The following CSMD1 variants were observed in gnomAD, a reference collection of about 807,000 sequenced individuals.
CSMD1 encodes the protein CUB and Sushi multiple domains 1.
In CSMD1, 213 loss-of-function variants were observed where a neutral mutation model predicts 417.5. The ratio of observed to expected loss-of-function variants is 0.51; its 90% CI spans 0.46 to 0.57. The LOEUF (loss-of-function observed/expected upper bound fraction) is 0.57. Among genes scored for constraint, CSMD1 ranks in the 20% least tolerant of loss-of-function variants. CSMD1 has a pLI of 0.00. For missense variants in CSMD1, 6,923 were observed against 4,529.7 expected (o/e 1.53, Z -15.17); for synonymous variants, 2,862 against 1,736.8 (o/e 1.65, Z -16.11).
chr8:3,189,952 G>T lies in CSMD1; in HGVS notation c.5358C>A (p.Asn1786Lys). 1 of 1,596,572 alleles carries T rather than the reference G, an allele frequency of 6.3e-7. No homozygotes were observed. Residue 1786 changes from asparagine to lysine, a missense_variant, in exon 34 of 70, where the codon AAC (asparagine) becomes AAA (lysine). Asn to Lys is a moderately conservative substitution (Grantham distance 94, BLOSUM62 0). Transcript: ENST00000635120. ...TCGTGTCGTTCCACTGTGCCAAGGC[G>T]TTGGGCACGGACTGGCAGTGGAGCG... is the stretch of plus-strand genomic sequence containing the variant. ...STALHCQSVP[N>K]ALAQWNDTIP...
At chr8:2,978,892 A>G in intron 54 of CSMD1, 92 bp from the exon 55 acceptor site, 4 of 1,130,858 alleles carry the variant, frequency 3.5e-6, no homozygotes, top group Non-Finnish European at 4.9e-6. Context: ...TCATCATTTT[A>G]GAAAGTTCAA....
chr8:3,714,724 G>C (rs367693575), intron 6 of CSMD1, among the ~76,000 whole-genome samples: 1 of 152,022 alleles, frequency 6.6e-6, no homozygotes, highest in Non-Finnish European at 1.5e-5. Flanking sequence ...GCCACACAGT[G>C]AGACCCTTTA....
At chr8:4,450,258 C>A (rs1799059929) in intron 2 of CSMD1, among the ~76,000 whole-genome samples, 1 of 152,194 alleles carries the variant, frequency 6.6e-6, no homozygotes, top group South Asian at 2.1e-4. Flanking sequence ...AGTGTCTGAT[C>A]TTCAGGAGCA....
intron 3 of CSMD1, among the ~76,000 whole-genome samples, chr8:4,172,956 G>A (rs764428999): frequency 6.6e-6 from 1 of 152,080 alleles, no homozygotes; most frequent in African/African-American, 2.4e-5. Flanking sequence ...CGAGGGCTGA[G>A]GCAGGCAGCT....
intron 3 of CSMD1, among the ~76,000 whole-genome samples, chr8:4,368,126 G>C (rs1354592362): frequency 1.3e-5 from 2 of 152,084 alleles, no homozygotes; most frequent in Admixed American, 1.3e-4. Flanking sequence ...TTCTCATTCA[G>C]TATGGTGTTC....
chr8:3,676,328 G>A (rs899651010), intron 7 of CSMD1, among the ~76,000 whole-genome samples: 1 of 152,158 alleles, frequency 6.6e-6, no homozygotes, highest in South Asian at 2.1e-4. Context: ...TTTCTGAAGA[G>A]CAGGTGGAGG....
chr8:4,361,458 C>CTAA (rs35176107), intron 3 of CSMD1, among the ~76,000 whole-genome samples: 11,734 of 152,068 alleles, frequency 0.077, 693 homozygotes, highest in African/African-American at 0.16. Flanking sequence ...TCATTACAGC[C>CTAA]TAATAAGGTC....
At chr8:4,755,619 T>A (rs1388435540) in intron 1 of CSMD1, among the ~76,000 whole-genome samples, 1 of 152,200 alleles carries the variant, frequency 6.6e-6, no homozygotes, top group Non-Finnish European at 1.5e-5. Flanking sequence ...TTACTTTTCA[T>A]CGTCTCCAGC....
Position 4,614,482 on chromosome 8 carries a change from A to G in CSMD1, c.302+22860T>C, listed in dbSNP as rs192805698. Among the ~76,000 whole-genome samples, 8 of 152,266 alleles carry G rather than the reference A, an allele frequency of 5.3e-5. No individual in the cohort carries two copies. The East Asian group carries it at 1.4e-3, about 26-fold the overall frequency. On this transcript the variant is annotated intron_variant, in intron 2 of 69. Transcript: ENST00000635120. Reference sequence around the variant, plus strand: ...GCCTTAGTAAATTATGTCACCTCTAAACTGATCTCTTTATTTTTAAGATTC... The same window carrying G: ...GCCTTAGTAAATTATGTCACCTCTAGACTGATCTCTTTATTTTTAAGATTC...
intron 1 of CSMD1, among the ~76,000 whole-genome samples, chr8:4,827,610 T>A (rs895179214): frequency 1.3e-5 from 2 of 152,194 alleles, no homozygotes; most frequent in African/African-American, 2.4e-5. Context: ...AGCTTGTGTC[T>A]CAGAAAGATT....
intron 1 of CSMD1, among the ~76,000 whole-genome samples, chr8:4,659,711 A>G (rs1804464651): frequency 1.3e-5 from 2 of 152,184 alleles, no homozygotes; most frequent in African/African-American, 4.8e-5. Context: ...TTTCTCATAC[A>G]GATGGAGGTG....
intron 7 of CSMD1, among the ~76,000 whole-genome samples, chr8:3,659,650 G>T (rs546523994): frequency 6.6e-6 from 1 of 152,232 alleles, no homozygotes; most frequent in South Asian, 2.1e-4. Context: ...TGGCAAAGCA[G>T]ATAACAAGAA....
At chr8:4,713,409 GT>G (rs1477261065) in intron 1 of CSMD1, among the ~76,000 whole-genome samples, 1 of 150,636 alleles carries the variant, frequency 6.6e-6, no homozygotes, top group African/African-American at 2.4e-5. Context: ...GTTTTGTTTT[GT>G]TTTGTTTTTG....
intron 3 of CSMD1, among the ~76,000 whole-genome samples, chr8:4,121,138 A>T (rs1017033073): frequency 6.6e-6 from 1 of 151,732 alleles, no homozygotes; most frequent in Non-Finnish European, 1.5e-5. Context: ...ATTTTTGGGC[A>T]GAGTCTCACT....
intron 7 of CSMD1, among the ~76,000 whole-genome samples, chr8:3,658,727 G>C (rs1798256819): frequency 6.6e-6 from 1 of 152,080 alleles, no homozygotes; most frequent in African/African-American, 2.4e-5. Flanking sequence ...AGGTTGCAGT[G>C]AGCCAAGATC....
At chr8:3,811,496 G>T (rs922775692) in intron 5 of CSMD1, among the ~76,000 whole-genome samples, 1 of 152,090 alleles carries the variant, frequency 6.6e-6, no homozygotes, top group Middle Eastern at 3.2e-3. Context: ...AGTGCCTGTT[G>T]AGAGTTTTAG....
chr8:2,977,605 A>G (rs903878728), intron 55 of CSMD1, among the ~76,000 whole-genome samples: 3 of 152,210 alleles, frequency 2.0e-5, no homozygotes, highest in African/African-American at 4.8e-5. Context: ...AAAGAGCTTT[A>G]GCACTGCAAA....
intron 3 of CSMD1, among the ~76,000 whole-genome samples, chr8:4,050,104 T>C (rs936641055): frequency 1.3e-5 from 2 of 152,172 alleles, no homozygotes; most frequent in African/African-American, 4.8e-5. Flanking sequence ...TTGTGGGTTG[T>C]TGGGAAGATC....
At chr8:3,578,435 G>A (rs984027421) in intron 9 of CSMD1, among the ~76,000 whole-genome samples, 4 of 152,156 alleles carry the variant, frequency 2.6e-5, no homozygotes, top group African/African-American at 9.7e-5. Flanking sequence ...AATGGGTGTC[G>A]AGAAAATCTC....
Sources: allele counts gnomAD v4.1 joint callset (sites outside exome capture counted in the v4.1 genomes callset), GRCh38; gene constraint gnomAD v4.1.1; transcripts MANE v1.5; gene names NCBI Gene and HGNC (gene_info 2026-07-23, HGNC 2026-07-21).